Variants in FBXO8 observed in about 807,000 individuals in gnomAD.
FBXO8 encodes the protein F-box protein 8, also known as F-box only protein 8.
Under a neutral mutation model 33.4 loss-of-function variants are expected in FBXO8, and 15 were observed. That is an observed-to-expected ratio of 0.45 (90% CI 0.30 to 0.69). FBXO8 has a LOEUF of 0.69. Among genes scored for constraint, FBXO8 ranks in the 30% least tolerant of loss-of-function variants. The probability of loss-of-function intolerance (pLI) is 0.08; values close to 1 mark genes in which losing one functional copy is unlikely to be tolerated. For synonymous variants in FBXO8, 132 were observed against 131.5 expected (o/e 1.00, Z -0.02); for missense variants, 274 against 380.3 (o/e 0.72, Z 2.32).
rs1460300770 is a variant in FBXO8 at position 174,270,121 on chromosome 4, C to T, written c.-8-7021G>A. Among the ~76,000 whole-genome samples, 8 of 152,158 alleles carry T rather than the reference C, an allele frequency of 5.3e-5. No individual in the cohort carries two copies. The highest frequency in any genetic ancestry group is 2.1e-4 in the South Asian group (1 of 4,834). On this transcript the variant is annotated intron_variant, in intron 1 of 5. Coordinates refer to ENST00000393674, the MANE Select transcript of FBXO8 (RefSeq NM_012180.3). The surrounding 1 kb of genome is among the most constrained non-coding windows in gnomAD (Gnocchi z 4.6). ...AATGTGGACTGGCAACCAAACTGTG[C>T]GACCTTGAACACTCAGTGGTATTGT...
In FBXO8 at chr4:174,273,445, G is replaced by T. The variant is rs151206530; in HGVS notation, c.-9+9965C>A. Reference sequence around the variant, plus strand: ...AGGATTGGAAAAAAATTGCTATGTCGCACATTATTGAGATAAATAAGAAAC... The same window carrying T: ...AGGATTGGAAAAAAATTGCTATGTCTCACATTATTGAGATAAATAAGAAAC... On this transcript the variant is annotated intron_variant, in intron 1 of 5. Transcript: ENST00000393674. 2.0e-5 allele frequency among the ~76,000 whole-genome samples: 3 copies of T among 151,870 alleles called. No individual in the cohort carries two copies. In the East Asian group the frequency reaches 5.8e-4, roughly 29 times the overall value.
intron 5 of FBXO8, among the ~76,000 whole-genome samples, chr4:174,238,047 A>G (rs1266568364): frequency 3.3e-5 from 5 of 152,050 alleles, no homozygotes; most frequent in Non-Finnish European, 7.4e-5. Flanking sequence ...TTTCATAAAA[A>G]CCTATTTTAA....
In FBXO8 at chr4:174,242,664, TATG is replaced by T. The variant is rs538629434; in HGVS notation, c.457-1449_457-1447del. On this transcript the variant is annotated intron_variant, in intron 3 of 5. Transcript: ENST00000393674. ...TGAATACAAGGGCTAGAAAATGTAA[TATG>T]ATAAGATGGAAAGCCAAAATACTTC... 3.6e-3 allele frequency among the ~76,000 whole-genome samples: 539 copies of T among 151,720 alleles called. 2 individuals carry two copies. The highest frequency in any genetic ancestry group is 0.014 in the Middle Eastern group (4 of 294).
In FBXO8 at chr4:174,241,321, TA is replaced by T; in HGVS notation, c.457-104del. Reference sequence around the variant, plus strand: ...AGTAGCTATAAATTCTTTCCAGCATTAATAGACTTTTTGTAGCTTTATCATG... The same window carrying T: ...AGTAGCTATAAATTCTTTCCAGCATTATAGACTTTTTGTAGCTTTATCATG... On this transcript the variant is annotated intron_variant, in intron 3 of 5. Coordinates refer to ENST00000393674, the MANE Select transcript of FBXO8 (RefSeq NM_012180.3). The surrounding 1 kb of genome is among the most constrained non-coding windows in gnomAD (Gnocchi z 4.2). The T allele has an allele frequency of 1.7e-6, 1 of 600,622 alleles. No homozygotes were observed. 37.2% of individuals were successfully genotyped at this position (600,622 alleles called of 1,614,324 possible). A position where few individuals can be genotyped will look rare whatever the true frequency, so the allele number is the denominator to read the frequency against.
chr4:174,281,831 A>G lies in FBXO8; in HGVS notation c.-9+1579T>C, dbSNP rs931741972. The stretch of plus-strand genomic sequence containing the variant: ...AAACGAAAAAGAAATAGTGAACATA[A>G]ATTTCCAGAAATAGATGTATTTCAT... On this transcript the variant is annotated intron_variant, in intron 1 of 5. Coordinates refer to ENST00000393674, the MANE Select transcript of FBXO8 (RefSeq NM_012180.3). The surrounding 1 kb of genome is among the most constrained non-coding windows in gnomAD (Gnocchi z 4.6). Among the ~76,000 whole-genome samples the G allele has an allele frequency of 6.6e-6, 1 of 152,248 alleles. No individual in the cohort carries two copies. Among genetic ancestry groups the G allele is most frequent in the Non-Finnish European group, 1.5e-5 (1 of 68,046 alleles).
Position 174,253,072 on chromosome 4 carries a change from G to T in FBXO8, c.456+6627C>A, listed in dbSNP as rs538121950. 2.0e-5 allele frequency among the ~76,000 whole-genome samples: 3 copies of T among 152,124 alleles called. No individual in the cohort carries two copies. Among genetic ancestry groups the T allele is most frequent in the Non-Finnish European group, 4.4e-5 (3 of 68,016 alleles). On this transcript the variant is annotated intron_variant, in intron 3 of 5. Transcript: ENST00000393674. The surrounding 1 kb of genome is among the most constrained non-coding windows in gnomAD (Gnocchi z 4.5). ...CGGATGCCATAAAAGCATCCTTCAA[G>T]GTGAATGGAGCTTGGAATAAAGAAT...
chr4:174,264,632 A>G (rs1385184530), intron 1 of FBXO8, among the ~76,000 whole-genome samples: 1 of 152,088 alleles, frequency 6.6e-6, no homozygotes, highest in Non-Finnish European at 1.5e-5. Context: ...CTATACAGGT[A>G]TGGTGGGGAG....
chr4:174,272,307 A>G lies in FBXO8; in HGVS notation c.-8-9207T>C, dbSNP rs113599815. On this transcript the variant is annotated intron_variant, in intron 1 of 5. Coordinates refer to ENST00000393674, the MANE Select transcript of FBXO8 (RefSeq NM_012180.3). This position sits in a 1 kb window ranked among gnomAD's most constrained non-coding sequence, Gnocchi z 4.7. ...AGTCCCTTGTATAAAATGGCATAGT[A>G]TACATCCTCCTGTATACTTTAAATC... Among the ~76,000 whole-genome samples, 33 of 152,362 alleles carry G rather than the reference A, an allele frequency of 2.2e-4. No homozygotes were observed. The highest frequency in any genetic ancestry group is 3.2e-4 in the Non-Finnish European group (22 of 68,032).
At chr4:174,250,218 A>T (rs900651961) in intron 3 of FBXO8, among the ~76,000 whole-genome samples, 1 of 151,416 alleles carries the variant, frequency 6.6e-6, no homozygotes, top group African/African-American at 2.4e-5. Context: ...AACATTACAT[A>T]AATTGTAAGT....
At chr4:174,264,608 C>G (rs892674121) in intron 1 of FBXO8, among the ~76,000 whole-genome samples, 2 of 151,958 alleles carry the variant, frequency 1.3e-5, no homozygotes, top group African/African-American at 4.8e-5. Flanking sequence ...TGCTTGGAAT[C>G]CCAGCAGCTT....
chr4:174,251,666 AG>A lies in FBXO8; in HGVS notation c.456+8032del, dbSNP rs1736287113. ...TCTCAAAAAAAAGAAAATCACCTCC[AG>A]TTTAGCACCATTTGACTAATTGTAG... On this transcript the variant is annotated intron_variant, in intron 3 of 5. Coordinates refer to ENST00000393674, the MANE Select transcript of FBXO8 (RefSeq NM_012180.3). The surrounding 1 kb of genome is among the most constrained non-coding windows in gnomAD (Gnocchi z 4.2). 6.6e-6 allele frequency among the ~76,000 whole-genome samples: 1 copy of A among 152,160 alleles called. No individual in the cohort carries two copies. The highest frequency in any genetic ancestry group is 2.4e-5 in the African/African-American group (1 of 41,464).
rs1380693132 is a variant in FBXO8, at chr4:174,272,652, TATC to T, written c.-8-9555_-8-9553del. ...GAAAGAATAATGTAGTTAGAAAAAT[TATC>T]ATTTTACCATCAGAGAAAAAATAAT... On this transcript the variant is annotated intron_variant, in intron 1 of 5. Coordinates refer to ENST00000393674, the MANE Select transcript of FBXO8 (RefSeq NM_012180.3). This position sits in a 1 kb window ranked among gnomAD's most constrained non-coding sequence, Gnocchi z 4.7. 1.3e-5 allele frequency among the ~76,000 whole-genome samples: 2 copies of T among 152,200 alleles called. No homozygotes were observed. The highest frequency in any genetic ancestry group is 2.9e-5 in the Non-Finnish European group (2 of 68,034).
In FBXO8 at chr4:174,261,975, T is replaced by C. The variant is rs1260511358; in HGVS notation, c.329+789A>G. ...GGTCTGAGATCCAATGATTCCATGTTTGGTAATATTTTTAGGCCAAAAAAT... is the reference window on the plus strand; with the variant it reads ...GGTCTGAGATCCAATGATTCCATGTCTGGTAATATTTTTAGGCCAAAAAAT... On this transcript the variant is annotated intron_variant, in intron 2 of 5. Coordinates refer to ENST00000393674, the MANE Select transcript of FBXO8 (RefSeq NM_012180.3). This position sits in a 1 kb window ranked among gnomAD's most constrained non-coding sequence, Gnocchi z 4.1. Among the ~76,000 whole-genome samples, 1 of 152,102 alleles carries C rather than the reference T, an allele frequency of 6.6e-6. No individual in the cohort carries two copies. Among genetic ancestry groups the C allele is most frequent in the Non-Finnish European group, 1.5e-5 (1 of 67,944 alleles).
rs1057468091 is a variant in FBXO8, at chr4:174,245,694, T to C, written c.457-4476A>G. Among the ~76,000 whole-genome samples the C allele has an allele frequency of 6.6e-6, 1 of 151,904 alleles. No individual in the cohort carries two copies. Among genetic ancestry groups the C allele is most frequent in the African/African-American group, 2.4e-5 (1 of 41,412 alleles). On this transcript the variant is annotated intron_variant, in intron 3 of 5. Transcript: ENST00000393674. The surrounding 1 kb of genome is among the most constrained non-coding windows in gnomAD (Gnocchi z 4.6). Reference sequence around the variant, plus strand: ...TAAAGATAAATAATGAAAGAAAAATTAGATAGTGGGCTATTCAGCGGAGCA... The same window carrying C: ...TAAAGATAAATAATGAAAGAAAAATCAGATAGTGGGCTATTCAGCGGAGCA...
chr4:174,239,698 G>A (rs1735982193), intron 4 of FBXO8, among the ~76,000 whole-genome samples: 1 of 151,540 alleles, frequency 6.6e-6, no homozygotes, highest in South Asian at 2.1e-4. Context: ...GGACAGCTTT[G>A]TATATCTTTA....
chr4:174,274,570 C>T lies in FBXO8; in HGVS notation c.-9+8840G>A, dbSNP rs1272865444. On this transcript the variant is annotated intron_variant, in intron 1 of 5. Coordinates refer to ENST00000393674, the MANE Select transcript of FBXO8 (RefSeq NM_012180.3). This position sits in a 1 kb window ranked among gnomAD's most constrained non-coding sequence, Gnocchi z 4.0. ...AGCAAGGCCATAGTTCCAACACGCA[C>T]TAGTTTCAGTTAACATGGTAAAATG... is the stretch of plus-strand genomic sequence containing the variant. Among the ~76,000 whole-genome samples, 1 of 152,138 alleles carries T rather than the reference C, an allele frequency of 6.6e-6. No individual in the cohort carries two copies. Among genetic ancestry groups the T allele is most frequent in the Non-Finnish European group, 1.5e-5 (1 of 68,048 alleles).
At chr4:174,260,405 A>C (rs1479020291) in intron 2 of FBXO8, among the ~76,000 whole-genome samples, 1 of 152,066 alleles carries the variant, frequency 6.6e-6, no homozygotes, top group Non-Finnish European at 1.5e-5. Context: ...AATGCTGGGC[A>C]GGGAAACAGC....
rs986371124 is a variant in FBXO8 at position 174,253,625 on chromosome 4, T to C, written c.456+6074A>G. 6.6e-6 allele frequency among the ~76,000 whole-genome samples: 1 copy of C among 152,180 alleles called. No homozygotes were observed. Among genetic ancestry groups the C allele is most frequent in the African/African-American group, 2.4e-5 (1 of 41,462 alleles). Reference sequence around the variant, plus strand: ...TGCTTGGATGCCTTAACAAAGGCCATTTCCCTGTTTTTCATTTCTTCTAGC... The same window carrying C: ...TGCTTGGATGCCTTAACAAAGGCCACTTCCCTGTTTTTCATTTCTTCTAGC... On this transcript the variant is annotated intron_variant, in intron 3 of 5. Coordinates refer to ENST00000393674, the MANE Select transcript of FBXO8 (RefSeq NM_012180.3). The surrounding 1 kb of genome is among the most constrained non-coding windows in gnomAD (Gnocchi z 4.5).
intron 1 of FBXO8, among the ~76,000 whole-genome samples, chr4:174,280,288 G>A (rs541070125): frequency 6.6e-6 from 1 of 151,424 alleles, no homozygotes; most frequent in East Asian, 1.9e-4. Flanking sequence ...TACAATGAGG[G>A]ACCACCTTAT....
Sources: allele counts gnomAD v4.1 joint callset (sites outside exome capture counted in the v4.1 genomes callset), GRCh38; gene constraint gnomAD v4.1.1; non-coding constraint Gnocchi (gnomAD v3.1); transcripts MANE v1.5; gene names NCBI Gene and HGNC (gene_info 2026-07-23, HGNC 2026-07-21).